Variants in STARD13 observed in about 807,000 individuals in gnomAD.
The protein encoded by STARD13 is stAR-related lipid transfer protein 13.
A neutral mutation model predicts 106.4 loss-of-function variants in STARD13; 62 were observed. That is an observed-to-expected ratio of 0.58 (90% CI 0.48 to 0.72). STARD13 has a LOEUF of 0.72. Among genes scored for constraint, STARD13 ranks in the 30% least tolerant of loss-of-function variants. STARD13 has a pLI of 0.00. For synonymous variants in STARD13, 565 were observed against 553.0 expected (o/e 1.02, Z -0.31); for missense variants, 1,387 against 1,424.0 (o/e 0.97, Z 0.42).
At chr13:33,624,877 T>C in the STARD13 span, among the ~76,000 whole-genome samples, 1 of 152,198 alleles carries the variant, frequency 6.6e-6, no homozygotes, top group Non-Finnish European at 1.5e-5. Flanking sequence ...TGCAGCTGCC[T>C]CCTCTCATAA....
At chr13:33,518,328 A>G in the STARD13 span, among the ~76,000 whole-genome samples, 1 of 152,110 alleles carries the variant, frequency 6.6e-6, no homozygotes, top group African/African-American at 2.4e-5. Flanking sequence ...TTGCCCTTCT[A>G]CTTTGGACTC....
intron 1 of STARD13, among the ~76,000 whole-genome samples, chr13:33,267,470 C>T (rs893935467): frequency 5.9e-5 from 9 of 152,170 alleles, no homozygotes; most frequent in African/African-American, 2.2e-4. Flanking sequence ...ATGTCCGTTC[C>T]CGCACCTATG....
At chr13:33,371,937 T>C in the STARD13 span, among the ~76,000 whole-genome samples, 2 of 152,230 alleles carry the variant, frequency 1.3e-5, no homozygotes, top group Non-Finnish European at 2.9e-5. Context: ...AAAGAATTGA[T>C]TGCATCTCAG....
intron 1 of STARD13, among the ~76,000 whole-genome samples, chr13:33,265,332 G>C (rs1263299375): frequency 6.6e-6 from 1 of 152,132 alleles, no homozygotes; most frequent in Non-Finnish European, 1.5e-5. Context: ...TTTACTTCTG[G>C]AAGAGTTCAC....
At chr13:33,405,143 C>T in the STARD13 span, among the ~76,000 whole-genome samples, 64 of 152,214 alleles carry the variant, frequency 4.2e-4, no homozygotes, top group Non-Finnish European at 7.3e-4. Flanking sequence ...CACCCCACTG[C>T]ACACAATCCC....
chr13:33,274,685 G>T (rs1891329691), intron 1 of STARD13, among the ~76,000 whole-genome samples: 1 of 152,118 alleles, frequency 6.6e-6, no homozygotes, highest in African/African-American at 2.4e-5. Flanking sequence ...GAAGACTTAG[G>T]TGACTTATCT....
the STARD13 span, among the ~76,000 whole-genome samples, chr13:33,387,962 A>T: frequency 6.6e-6 from 1 of 152,168 alleles, no homozygotes. Flanking sequence ...TTGCTTTCAG[A>T]TGCATCGGCC....
At chr13:33,353,543 G>A (rs1002861792), upstream of STARD13, among the ~76,000 whole-genome samples, 1 of 152,204 alleles carries the variant, frequency 6.6e-6, no homozygotes, top group Non-Finnish European at 1.5e-5. Context: ...GGTTAAGAGT[G>A]TGGCTAAAGG....
At chr13:33,149,953 G>A (rs1881054653) in intron 3 of STARD13, among the ~76,000 whole-genome samples, 1 of 152,180 alleles carries the variant, frequency 6.6e-6, no homozygotes, top group Non-Finnish European at 1.5e-5. Context: ...GATAATCTGA[G>A]TTGGTCTAAT....
chr13:33,171,975 C>T (rs1209459930), intron 1 of STARD13, among the ~76,000 whole-genome samples: 1 of 152,144 alleles, frequency 6.6e-6, no homozygotes, highest in African/African-American at 2.4e-5. Flanking sequence ...ACAAAGGCAC[C>T]GTGGAAACAA....
At chr13:33,558,027 A>T in the STARD13 span, among the ~76,000 whole-genome samples, 254 of 152,372 alleles carry the variant, frequency 1.7e-3, 3 homozygotes, top group African/African-American at 6.0e-3. Context: ...TATTTCATGA[A>T]AATAAAAACC....
the STARD13 span, among the ~76,000 whole-genome samples, chr13:33,447,907 C>A: frequency 6.6e-6 from 1 of 152,154 alleles, no homozygotes; most frequent in Non-Finnish European, 1.5e-5. Flanking sequence ...GAATTTATTA[C>A]AATACAGAAT....
the STARD13 span, among the ~76,000 whole-genome samples, chr13:33,482,353 T>C: frequency 2.0e-5 from 3 of 152,290 alleles, no homozygotes; most frequent in South Asian, 6.2e-4. Flanking sequence ...AACAAGCTTG[T>C]TTTAAACAGT....
At chr13:33,408,509 A>T in the STARD13 span, among the ~76,000 whole-genome samples, 1 of 152,162 alleles carries the variant, frequency 6.6e-6, no homozygotes, top group Non-Finnish European at 1.5e-5. Flanking sequence ...AAGGCTGAAT[A>T]TTCCATTGTT....
chr13:33,234,798 G>A (rs4943083), intron 1 of STARD13, among the ~76,000 whole-genome samples: 19,241 of 152,076 alleles, frequency 0.13, 1,960 homozygotes, highest in African/African-American at 0.29. Flanking sequence ...TTAGAAGGTT[G>A]TAAAAAATTG....
chr13:33,497,943 A>T, the STARD13 span, among the ~76,000 whole-genome samples: 1 of 152,240 alleles, frequency 6.6e-6, no homozygotes, highest in Non-Finnish European at 1.5e-5. Context: ...ACAGACATGC[A>T]AAACTCTGTA....
At chr13:33,145,627 T>C (rs1049805699) in intron 3 of STARD13, among the ~76,000 whole-genome samples, 1 of 152,230 alleles carries the variant, frequency 6.6e-6, no homozygotes, top group South Asian at 2.1e-4. Flanking sequence ...CAAATGTCCA[T>C]CAGCTGGTAA....
At chr13:33,533,478 C>A in the STARD13 span, among the ~76,000 whole-genome samples, 1 of 152,164 alleles carries the variant, frequency 6.6e-6, no homozygotes, top group South Asian at 2.1e-4. Flanking sequence ...AATACTATGG[C>A]ACCCACCTGA....
intron 1 of STARD13, among the ~76,000 whole-genome samples, chr13:33,323,275 T>C (rs1893625373): frequency 6.6e-6 from 1 of 152,168 alleles, no homozygotes; most frequent in South Asian, 2.1e-4. Flanking sequence ...CTGTTCCCAC[T>C]GCCTTGTACG....
Sources: gnomAD v4.1 joint callset for allele counts (sites outside exome capture counted in the v4.1 genomes callset) on GRCh38, gnomAD v4.1.1 for gene constraint, MANE v1.5 for transcripts, NCBI Gene and HGNC (gene_info 2026-07-23, HGNC 2026-07-21) for gene names.